Variants in SLC25A30 observed in about 807,000 individuals in gnomAD.
SLC25A30 encodes the protein kidney mitochondrial carrier protein 1.
SLC25A30 carries 29 observed loss-of-function variants against 42.7 expected under a neutral mutation model. That is an observed-to-expected ratio of 0.68 (90% CI 0.51 to 0.93). The LOEUF is 0.93. SLC25A30 is among the 40% of genes least tolerant of loss of function. The probability of loss-of-function intolerance (pLI) is 0.00; values close to 1 mark genes in which losing one functional copy is unlikely to be tolerated. For synonymous variants in SLC25A30, 124 were observed against 131.0 expected, an observed-to-expected ratio of 0.95 and a Z score of 0.37; for missense variants, 300 against 359.7, an observed-to-expected ratio of 0.83 and a Z score of 1.34.
chr13:45,424,570 A>C, the SLC25A30 span, among the ~76,000 whole-genome samples: 34 of 27,446 alleles, frequency 1.2e-3, 5 homozygotes, highest in Non-Finnish European at 2.1e-3. Flanking sequence ...TAAATGTATA[A>C]ATATATAAAT....
At chr13:45,404,259 T>C (rs1882283649) in intron 5 of SLC25A30, 68 bp downstream of exon 5, 1 of 1,072,080 alleles carries the variant, frequency 9.3e-7, no homozygotes, top group Admixed American at 1.7e-5. Context: ...ACAGATTCCA[T>C]TACCCGAATG....
At chr13:45,427,671 G>A in the SLC25A30 span, among the ~76,000 whole-genome samples, 945 of 152,184 alleles carry the variant, frequency 6.2e-3, 4 homozygotes, top group Non-Finnish European at 9.3e-3. Flanking sequence ...TTAATCTGCC[G>A]TTTGTGAATT....
chr13:45,393,990 C>T lies in SLC25A30; in HGVS notation c.*1984G>A, dbSNP rs1047872254. On this transcript the variant is annotated 3_prime_UTR_variant, in exon 10 of 10. Coordinates refer to ENST00000519676, the MANE Select transcript of SLC25A30 (RefSeq NM_001010875.4). The stretch of plus-strand genomic sequence containing the variant: ...TATTTGAAAAAGTAAAATTTTTCTA[C>T]ATTAAAAAAAGAGCATTTCAAGAAA... 1.2e-5 allele frequency: 12 copies of T among 984,462 alleles called. No individual in the cohort carries two copies. The Admixed American group carries it at 3.1e-4, about 25-fold the overall frequency. The allele number at this position is 984,462 out of a possible 1,614,324, so 61.0% of individuals were successfully genotyped here. A position where few individuals can be genotyped will look rare whatever the true frequency, so the allele number is the denominator to read the frequency against.
chr13:45,420,302 C>G (rs888499837), upstream of SLC25A30: 4 of 152,162 alleles, frequency 2.6e-5, no homozygotes, highest in Non-Finnish European at 1.5e-5. Context: ...AACTTGGACT[C>G]TAGGTGAGTA....
At chr13:45,421,002 A>T (rs759918085), upstream of SLC25A30, among the ~76,000 whole-genome samples, 1 of 152,104 alleles carries the variant, frequency 6.6e-6, no homozygotes, top group African/African-American at 2.4e-5. Flanking sequence ...GGTTCCTCCA[A>T]GGGTCTTGGC....
rs983826861 is a variant in SLC25A30, at chr13:45,398,946, C to T, written c.747G>A (p.Leu249=). The T allele has an allele frequency of 1.2e-6, 2 of 1,614,070 alleles. No individual in the cohort carries two copies. Among genetic ancestry groups the T allele is most frequent in the Non-Finnish European group, 1.7e-6 (2 of 1,179,986 alleles). Residue 249 remains leucine (L), a synonymous_variant, in exon 8 of 10, where the codon TTG becomes TTA. Coordinates refer to ENST00000519676, the MANE Select transcript of SLC25A30 (RefSeq NM_001010875.4). ...CSGYTGTLDC[L]LQTWKNEGFF... ...GACAGACATCTGCTCTTACCTGTAA[C>T]AAGCAATCCAGGGTTCCTGTGTAGC...
chr13:45,416,225 C>T (rs7491969), intron 1 of SLC25A30, among the ~76,000 whole-genome samples: 50,796 of 150,852 alleles, frequency 0.34, 9,544 homozygotes, highest in Non-Finnish European at 0.43. Context: ...CTGGCCAACA[C>T]GGTGAAATCC....
chr13:45,427,510 A>G, the SLC25A30 span, among the ~76,000 whole-genome samples: 1 of 152,018 alleles, frequency 6.6e-6, no homozygotes, highest in African/African-American at 2.4e-5. Context: ...CCTGAAAATC[A>G]TTTACTACCT....
At chr13:45,420,697 CTTTTG>C (rs1001137376), upstream of SLC25A30, among the ~76,000 whole-genome samples, 10 of 151,996 alleles carry the variant, frequency 6.6e-5, no homozygotes, top group Admixed American at 6.6e-4. Context: ...TTTTTTTGTG[CTTTTG>C]TTTTGTTTTG....
At chr13:45,431,977 A>G in the SLC25A30 span, among the ~76,000 whole-genome samples, 1 of 152,030 alleles carries the variant, frequency 6.6e-6, no homozygotes, top group African/African-American at 2.4e-5. Flanking sequence ...TGCCTTTAAA[A>G]TACATCTCAG....
At chr13:45,423,967 A>G in the SLC25A30 span, among the ~76,000 whole-genome samples, 1 of 85,396 alleles carries the variant, frequency 1.2e-5, no homozygotes, top group African/African-American at 4.6e-5. Context: ...ATATATATAA[A>G]CATATAACAA....
chr13:45,398,078 T>G (rs1222301384), intron 8 of SLC25A30: 1 of 985,104 alleles, frequency 1.0e-6, no homozygotes, highest in South Asian at 4.7e-5. Context: ...AAGAATAAAA[T>G]GTGCTAGTGT....
the SLC25A30 span, among the ~76,000 whole-genome samples, chr13:45,431,082 T>C: frequency 2.6e-5 from 4 of 152,082 alleles, no homozygotes; most frequent in African/African-American, 7.2e-5. Context: ...AGTTTCGCTC[T>C]TGTTGCCCAG....
the SLC25A30 span, among the ~76,000 whole-genome samples, chr13:45,431,692 C>T: frequency 1.3e-5 from 2 of 152,062 alleles, no homozygotes; most frequent in Admixed American, 6.6e-5. Flanking sequence ...CCAACGATTG[C>T]ACACTTCTAT....
intron 5 of SLC25A30, among the ~76,000 whole-genome samples, chr13:45,404,045 C>T (rs1163446914): frequency 6.6e-6 from 1 of 151,542 alleles, no homozygotes; most frequent in Non-Finnish European, 1.5e-5. Flanking sequence ...AAACAAGGAA[C>T]ATTTTCCGTG....
chr13:45,423,821 A>C, the SLC25A30 span, among the ~76,000 whole-genome samples: 12 of 79,188 alleles, frequency 1.5e-4, no homozygotes, highest in African/African-American at 6.7e-4. Flanking sequence ...TAAAAATATA[A>C]ATATATATTT....
chr13:45,425,691 T>C, the SLC25A30 span, among the ~76,000 whole-genome samples: 1 of 133,880 alleles, frequency 7.5e-6, no homozygotes, highest in East Asian at 2.0e-4. Flanking sequence ...TAAATATATA[T>C]ACACACATAT....
intron 4 of SLC25A30, 119 bp from the exon 5 acceptor site, chr13:45,404,531 G>GC: frequency 1.4e-6 from 1 of 735,088 alleles, no homozygotes; most frequent in Non-Finnish European, 2.4e-6. Flanking sequence ...AAAAACATAT[G>GC]CTTCAGGCCG....
At chr13:45,421,397 A>AG (rs1566219573), upstream of SLC25A30, among the ~76,000 whole-genome samples, 1 of 151,690 alleles carries the variant, frequency 6.6e-6, no homozygotes, top group African/African-American at 2.4e-5. Context: ...AAAAAAAAAA[A>AG]AAAGAATTAA....
Sources: allele counts gnomAD v4.1 joint callset (sites outside exome capture counted in the v4.1 genomes callset), GRCh38; gene constraint gnomAD v4.1.1; transcripts MANE v1.5; gene names NCBI Gene and HGNC (gene_info 2026-07-23, HGNC 2026-07-21).